The following CCDC138 variants were observed in gnomAD, a reference collection of about 807,000 sequenced individuals.
CCDC138 encodes the protein coiled-coil domain containing 138.
Under a neutral mutation model 82.3 loss-of-function variants are expected in CCDC138, and 66 were observed. The observed-to-expected ratio is 0.80, with a 90% CI of 0.66 to 0.98. The LOEUF (loss-of-function observed/expected upper bound fraction) is 0.98, where lower values mean the gene tolerates loss of function less well. Ranked by LOEUF, CCDC138 falls within the 50% of genes least tolerant of loss-of-function variation. CCDC138 has a pLI of 0.00. For missense variants in CCDC138, 816 were observed against 758.9 expected, an observed-to-expected ratio of 1.08 and a Z score of -0.88; for synonymous variants, 297 against 265.4, an observed-to-expected ratio of 1.12 and a Z score of -1.16.
chr2:108,857,035 C>A, intron 13 of CCDC138, 65 bp downstream of exon 13: 1 of 419,828 alleles, frequency 2.4e-6, no homozygotes, highest in Non-Finnish European at 4.3e-6. Context: ...ATCTTGTCTG[C>A]ATGTATAACT....
At chr2:108,805,658 C>T (rs575865705) in intron 7 of CCDC138, among the ~76,000 whole-genome samples, 3 of 151,740 alleles carry the variant, frequency 2.0e-5, no homozygotes, top group Non-Finnish European at 4.4e-5. Flanking sequence ...ACCCAGGAGG[C>T]GGAGCTTGCA....
intron 9 of CCDC138, among the ~76,000 whole-genome samples, chr2:108,814,784 C>T (rs569735735): frequency 6.6e-6 from 1 of 151,404 alleles, no homozygotes; most frequent in African/African-American, 2.4e-5. Context: ...TACAGGCGCC[C>T]ACCACCACGC....
intron 3 of CCDC138, 76 bp downstream of exon 3, chr2:108,789,042 A>T: frequency 6.6e-7 from 1 of 1,521,374 alleles, no homozygotes; most frequent in Non-Finnish European, 9.1e-7. Flanking sequence ...AGGGCAGGTT[A>T]TATTTTTGCT....
chr2:108,863,855 A>T (rs929531574), intron 13 of CCDC138, among the ~76,000 whole-genome samples: 11 of 152,340 alleles, frequency 7.2e-5, no homozygotes, highest in Admixed American at 4.6e-4. Flanking sequence ...GTAACTTCTG[A>T]AGTCTACTTA....
chr2:108,788,787 C>A, intron 2 of CCDC138, 65 bp from the exon 3 acceptor site: 1 of 1,596,818 alleles, frequency 6.3e-7, no homozygotes, highest in Admixed American at 1.8e-5. Flanking sequence ...AGACTTATGG[C>A]CAGTGCCAGA....
intron 2 of CCDC138, chr2:108,882,833 C>T (rs546771348): frequency 6.6e-6 from 1 of 152,248 alleles, no homozygotes; most frequent in Non-Finnish European, 1.5e-5. Flanking sequence ...ATAAATGGAA[C>T]TGTGTGCAGA....
At chr2:108,864,687 G>C (rs1316082124) in intron 13 of CCDC138, among the ~76,000 whole-genome samples, 1 of 151,996 alleles carries the variant, frequency 6.6e-6, no homozygotes, top group Non-Finnish European at 1.5e-5. Context: ...CCAGCTACTC[G>C]GGAGGCTGAG....
chr2:108,843,726 C>A (rs941497078), intron 11 of CCDC138, among the ~76,000 whole-genome samples: 22 of 151,658 alleles, frequency 1.5e-4, no homozygotes, highest in African/African-American at 5.1e-4. Context: ...TATGATGGGT[C>A]TTGGTGTTGA....
chr2:108,846,634 G>A (rs904644317), intron 11 of CCDC138, 104 bp from the exon 12 acceptor site: 18 of 910,474 alleles, frequency 2.0e-5, no homozygotes, highest in African/African-American at 8.6e-5. Context: ...CCATGATTGC[G>A]CTACTGCATT....
At chr2:108,788,292 C>T (rs1385743320) in intron 2 of CCDC138, among the ~76,000 whole-genome samples, 2 of 152,006 alleles carry the variant, frequency 1.3e-5, no homozygotes, top group African/African-American at 4.8e-5. Flanking sequence ...TGGTGGCGGG[C>T]GCCTGTAATC....
chr2:108,871,373 A>G (rs77375283), intron 13 of CCDC138, among the ~76,000 whole-genome samples: 1 of 104,424 alleles, frequency 9.6e-6, no homozygotes, highest in Non-Finnish European at 1.8e-5. Context: ...ACTCTATTAA[A>G]AAAAAAAAAA....
rs144518921 is a variant in CCDC138, at chr2:108,811,245, C to CTT, written c.856-1385_856-1384insTT. On this transcript the variant is annotated intron_variant, in intron 7 of 14. Transcript: ENST00000295124. The stretch of plus-strand genomic sequence containing the variant: ...CTCTCCCTTTTCTTTCTTTCTCTCT[C>CTT]TCTTTTTTTTTTTTTTTGACTGTCT... Among the ~76,000 whole-genome samples, 55 of 109,618 alleles carry CTT rather than the reference C, an allele frequency of 5.0e-4. 14 individuals are homozygous for CTT. The highest frequency in any genetic ancestry group is 6.2e-4 in the Admixed American group (6 of 9,652). The allele number at this position is 109,618 out of a possible 152,430, so 71.9% of individuals were successfully genotyped here. A position where few individuals can be genotyped will look rare whatever the true frequency, so the allele number is the denominator to read the frequency against.
At chr2:108,827,797 CAGAG>C (rs1686879946) in intron 10 of CCDC138, among the ~76,000 whole-genome samples, 3 of 132,790 alleles carry the variant, frequency 2.3e-5, no homozygotes, top group South Asian at 2.3e-4. Flanking sequence ...GCCTGGGCGA[CAGAG>C]AGAGAATATG....
At chr2:108,803,375 G>A (rs1485030212) in intron 6 of CCDC138, among the ~76,000 whole-genome samples, 1 of 113,184 alleles carries the variant, frequency 8.8e-6, no homozygotes. Context: ...ATCTTGCCAG[G>A]AAGACTGGTT....
intron 13 of CCDC138, among the ~76,000 whole-genome samples, chr2:108,867,848 A>T (rs926097525): frequency 2.0e-5 from 3 of 152,244 alleles, no homozygotes; most frequent in Non-Finnish European, 4.4e-5. Context: ...AAGCCTTACT[A>T]ACTAGACATC....
chr2:108,828,985 A>G (rs1023455671), intron 10 of CCDC138, among the ~76,000 whole-genome samples: 8 of 151,118 alleles, frequency 5.3e-5, no homozygotes, highest in African/African-American at 2.0e-4. Context: ...CTCAAAAAGA[A>G]AAAAATTTAA....
chr2:108,828,461 T>G (rs1010051201), intron 10 of CCDC138, among the ~76,000 whole-genome samples: 2 of 152,180 alleles, frequency 1.3e-5, no homozygotes, highest in African/African-American at 4.8e-5. Flanking sequence ...CAAAACTTAG[T>G]ACAAAGCTAT....
intron 13 of CCDC138, among the ~76,000 whole-genome samples, chr2:108,860,592 C>G (rs1693403091): frequency 1.4e-5 from 2 of 148,042 alleles, no homozygotes; most frequent in Admixed American, 6.7e-5. Flanking sequence ...GTTTTTAATT[C>G]TCTTTTTACA....
intron 12 of CCDC138, among the ~76,000 whole-genome samples, chr2:108,855,060 G>A (rs145222088): frequency 7.4e-4 from 112 of 152,148 alleles, no homozygotes; most frequent in African/African-American, 2.4e-3. Context: ...GAATAATATA[G>A]CATTTATAAA....
Sources: gnomAD v4.1 joint callset for allele counts (sites outside exome capture counted in the v4.1 genomes callset) on GRCh38, gnomAD v4.1.1 for gene constraint, MANE v1.5 for transcripts, NCBI Gene and HGNC (gene_info 2026-07-23, HGNC 2026-07-21) for gene names.